The following BSCL2 variants were observed in gnomAD, a reference collection of about 807,000 sequenced individuals.
BSCL2 encodes the protein seipin.
BSCL2 carries 41 observed loss-of-function variants against 57.4 expected under a neutral mutation model. The observed-to-expected ratio is 0.71, with a 90% CI of 0.56 to 0.93. BSCL2 has a LOEUF of 0.93. Among genes scored for constraint, BSCL2 ranks in the 40% least tolerant of loss-of-function variants. BSCL2 has a pLI of 0.00. For missense variants in BSCL2, 539 were observed against 586.7 expected (o/e 0.92, Z 0.84); for synonymous variants, 237 against 227.3 (o/e 1.04, Z -0.38).
upstream of BSCL2, chr11:62,708,311 C>G (rs765855751): frequency 1.2e-6 from 2 of 1,611,842 alleles, no homozygotes; most frequent in South Asian, 2.2e-5. Flanking sequence ...AGGTGAGACC[C>G]CGGTGAACAG....
intron 5 of BSCL2, 78 bp from the exon 6 acceptor site, chr11:62,692,551 A>G: frequency 6.2e-7 from 1 of 1,611,510 alleles, no homozygotes; most frequent in South Asian, 1.1e-5. Flanking sequence ...TCTGAGCCCC[A>G]CTTCCAGTCT....
intron 3 of BSCL2, among the ~76,000 whole-genome samples, chr11:62,698,006 C>T (rs1382234613): frequency 6.7e-6 from 1 of 149,236 alleles, no homozygotes. Flanking sequence ...CTCCCGGGTT[C>T]ACGCCATTCT....
At chr11:62,709,381 G>A (rs947816837), upstream of BSCL2, 13 of 453,890 alleles carry the variant, frequency 2.9e-5, no homozygotes, top group Non-Finnish European at 5.3e-5. Flanking sequence ...TACAAAAGAC[G>A]CTCAAGAGGC....
At chr11:62,705,173 G>C in intron 2 of BSCL2, 128 bp downstream of exon 2, 1 of 1,018,124 alleles carries the variant, frequency 9.8e-7, no homozygotes. Flanking sequence ...TGTGAAAGTT[G>C]AGAGGCCCTG....
chr11:62,708,797 T>C (rs750356285), upstream of BSCL2: 4 of 1,613,362 alleles, frequency 2.5e-6, no homozygotes, highest in Non-Finnish European at 3.4e-6. Context: ...TCTTCTGTGC[T>C]CTCCTCTGAG....
chr11:62,690,319 G>C lies in BSCL2; in HGVS notation c.*48C>G. The C allele has an allele frequency of 6.2e-7, 1 of 1,612,526 alleles. No homozygotes were observed. The highest frequency in any genetic ancestry group is 8.5e-7 in the Non-Finnish European group (1 of 1,179,508). ...TTATTGAAGGAAAAACGAGGGGAGA[G>C]GAGTCAGGTGGGAAAGTGCTGGAAT... On this transcript the variant is annotated 3_prime_UTR_variant, in exon 11 of 11. Coordinates refer to ENST00000360796, the MANE Select transcript of BSCL2 (RefSeq NM_001122955.4).
chr11:62,708,434 C>T (rs758253903), upstream of BSCL2: 12 of 1,407,608 alleles, frequency 8.5e-6, no homozygotes, highest in Non-Finnish European at 1.2e-5. Context: ...GTTGGCCAGG[C>T]TGTGCTGTGC....
At chr11:62,692,495 G>A (rs762610540) in intron 5 of BSCL2, 22 bp from the exon 6 acceptor site, 8 of 1,612,734 alleles carry the variant, frequency 5.0e-6, no homozygotes, top group Non-Finnish European at 6.8e-6. Flanking sequence ...TGGGGTGAGG[G>A]TGGCGTCAGG....
intron 3 of BSCL2, among the ~76,000 whole-genome samples, chr11:62,695,442 G>A (rs577215155): frequency 4.0e-5 from 6 of 151,572 alleles, no homozygotes; most frequent in Admixed American, 6.6e-5. Flanking sequence ...GGTGCAGTGA[G>A]TCATGCCTGT....
chr11:62,693,005 T>C (rs1011852943), intron 4 of BSCL2, among the ~76,000 whole-genome samples: 1 of 152,088 alleles, frequency 6.6e-6, no homozygotes, highest in Non-Finnish European at 1.5e-5. Context: ...CACTCTATTA[T>C]AGAGCAAAGG....
chr11:62,690,436 T>C lies in BSCL2; in HGVS notation c.1320A>G (p.Leu440=), dbSNP rs376418772. 29 of 1,613,908 alleles carry C rather than the reference T, an allele frequency of 1.8e-5. No homozygotes were observed. Among genetic ancestry groups the C allele is most frequent in the Non-Finnish European group, 2.4e-5 (28 of 1,180,014 alleles). The change falls in exon 11 of 11, where the codon CTA becomes CTG. Residue 440 remains leucine, a synonymous_variant. Coordinates refer to ENST00000360796, the MANE Select transcript of BSCL2 (RefSeq NM_001122955.4). ...CAGGTTCAGAGCTGCCCAGAGTCTC[T>C]AGGACAGGGGCAGAAGCAGAAGCAG... ...PAPASASAPV[L]ETLGSSEPAG...
chr11:62,700,795 A>G lies in BSCL2; in HGVS notation c.486+1673T>C, dbSNP rs142408982. Among the ~76,000 whole-genome samples the G allele has an allele frequency of 0.012, 1,827 of 152,274 alleles. 99 individuals carry two copies. In the East Asian group the frequency reaches 0.14, roughly 12 times the overall value. On this transcript the variant is annotated intron_variant, in intron 3 of 10. Transcript: ENST00000360796. ...TGGTGAAACCCTGTCTCTGCTAAAAATACAAAAGTTAGCCGGGTGTGGTGG... is the reference window on the plus strand; with the variant it reads ...TGGTGAAACCCTGTCTCTGCTAAAAGTACAAAAGTTAGCCGGGTGTGGTGG...
At chr11:62,690,995 C>A in intron 8 of BSCL2, 80 bp downstream of exon 8, 2 of 1,586,620 alleles carry the variant, frequency 1.3e-6, no homozygotes, top group Middle Eastern at 3.6e-4. Flanking sequence ...AAGCCTCATA[C>A]TGGATGAAGC....
chr11:62,702,576 T>C, intron 2 of BSCL2, 27 bp from the exon 3 acceptor site: 1 of 1,591,770 alleles, frequency 6.3e-7, no homozygotes, highest in Non-Finnish European at 8.6e-7. Flanking sequence ...GAGGATACTC[T>C]GCTAAGTTAG....
intron 4 of BSCL2, among the ~76,000 whole-genome samples, chr11:62,694,107 C>G (rs1945381524): frequency 6.6e-6 from 1 of 151,688 alleles, no homozygotes; most frequent in Non-Finnish European, 1.5e-5. Context: ...AGCCACTGCG[C>G]CCGGCCTTGA....
chr11:62,692,636 G>A (rs947254577), intron 5 of BSCL2, 27 bp downstream of exon 5: 1 of 1,613,782 alleles, frequency 6.2e-7, no homozygotes, highest in East Asian at 2.2e-5. Flanking sequence ...CTATCTCCTA[G>A]TCATAAAGCT....
In BSCL2 at chr11:62,691,510, T is replaced by C. The variant is rs1175843082; in HGVS notation, c.864-89A>G. 8 of 1,510,078 alleles carry C rather than the reference T, an allele frequency of 5.3e-6. No homozygotes were observed. The Admixed American group carries it at 1.4e-4, about 26-fold the overall frequency. The allele number at this position is 1,510,078 out of a possible 1,614,324, so 93.5% of individuals were successfully genotyped here. On this transcript the variant is annotated intron_variant, in intron 6 of 10. Coordinates refer to ENST00000360796, the MANE Select transcript of BSCL2 (RefSeq NM_001122955.4). Reference sequence around the variant, plus strand: ...TCCCAGAAATAATTTCTAGGGCAATTCAAGTGAGTTTGGTTACAGCTGGCT... The same window carrying C: ...TCCCAGAAATAATTTCTAGGGCAATCCAAGTGAGTTTGGTTACAGCTGGCT...
At chr11:62,704,527 C>A (rs556907371) in intron 2 of BSCL2, among the ~76,000 whole-genome samples, 2 of 152,032 alleles carry the variant, frequency 1.3e-5, no homozygotes, top group South Asian at 4.2e-4. Context: ...GCCTGGGCGA[C>A]AGAGCAAGAC....
rs535540966 is a variant in BSCL2, at chr11:62,699,310, G to A, written c.486+3158C>T. Among the ~76,000 whole-genome samples the A allele has an allele frequency of 4.6e-5, 7 of 152,188 alleles. No individual in the cohort carries two copies. In the East Asian group the frequency reaches 1.4e-3, roughly 29 times the overall value. On this transcript the variant is annotated intron_variant, in intron 3 of 10. Coordinates refer to ENST00000360796, the MANE Select transcript of BSCL2 (RefSeq NM_001122955.4). ...CCTCCCAGGTTCACACCTTTCTCCT[G>A]CCTCAGCCTCCCAAGTAGCTGGGAC...
Sources: gnomAD v4.1 joint callset for allele counts (sites outside exome capture counted in the v4.1 genomes callset) on GRCh38, gnomAD v4.1.1 for gene constraint, MANE v1.5 for transcripts, NCBI Gene and HGNC (gene_info 2026-07-23, HGNC 2026-07-21) for gene names.